RARB: variants seen among roughly 807,000 people sequenced by gnomAD.
RARB encodes HBV-activated protein.
A neutral mutation model predicts 51.9 loss-of-function variants in RARB; 17 were observed. The ratio of observed to expected loss-of-function variants is 0.33; its 90% CI spans 0.22 to 0.49. The LOEUF (loss-of-function observed/expected upper bound fraction) is 0.49, where lower values mean the gene tolerates loss of function less well. RARB is among the 20% of genes least tolerant of loss of function. The probability of loss-of-function intolerance (pLI) is 0.99; values close to 1 mark genes in which losing one functional copy is unlikely to be tolerated. For synonymous variants in RARB, 215 were observed against 195.4 expected (o/e 1.10, Z -0.84); for missense variants, 369 against 550.8 (o/e 0.67, Z 3.30).
chr3:24,971,477 A>T (rs1696396439), intron 2 of RARB, among the ~76,000 whole-genome samples: 1 of 152,106 alleles, frequency 6.6e-6, no homozygotes, highest in South Asian at 2.1e-4. Context: ...CAAGTAGACC[A>T]ATACCAGTAA....
At chr3:25,440,002 G>T (rs562206860) in intron 1 of RARB, among the ~76,000 whole-genome samples, 2 of 152,098 alleles carry the variant, frequency 1.3e-5, no homozygotes, top group African/African-American at 4.8e-5. Context: ...TGAGCTCCAG[G>T]TTTTGTTTTG....
intron 4 of RARB, among the ~76,000 whole-genome samples, chr3:25,167,798 T>C (rs946851241): frequency 6.6e-6 from 1 of 152,172 alleles, no homozygotes; most frequent in Non-Finnish European, 1.5e-5. Context: ...ACATATTTCA[T>C]AGTAAGTCCA....
intron 3 of RARB, among the ~76,000 whole-genome samples, chr3:25,104,549 T>C (rs1354712146): frequency 1.3e-5 from 2 of 151,968 alleles, no homozygotes; most frequent in East Asian, 3.9e-4. Flanking sequence ...GAGGCTATGG[T>C]AGGAGGATTG....
At position 25,309,486 on chromosome 3, in the gene RARB, C is replaced by CTT. The variant is rs149976069; in HGVS notation, c.178+134939_178+134940dup. Among the ~76,000 whole-genome samples the CTT allele has an allele frequency of 1.1e-3, 65 of 58,084 alleles. 15 individuals carry two copies. Among genetic ancestry groups the CTT allele is most frequent in the South Asian group, 2.6e-3 (3 of 1,160 alleles). The allele number at this position is 58,084 out of a possible 152,430, so 38.1% of individuals were successfully genotyped here. A position where few individuals can be genotyped will look rare whatever the true frequency, so the allele number is the denominator to read the frequency against. On this transcript the variant is annotated intron_variant, in intron 5 of 11. Transcript: ENST00000383772. ...CTGATTCCTTAACATCTCATAGTTG[C>CTT]TTTTTTTTTTTTTTTTTTTTTTTTT... is the stretch of plus-strand genomic sequence containing the variant.
At chr3:25,278,659 A>G (rs1412787674) in intron 5 of RARB, among the ~76,000 whole-genome samples, 1 of 152,228 alleles carries the variant, frequency 6.6e-6, no homozygotes, top group Non-Finnish European at 1.5e-5. Context: ...AGAAACCCAG[A>G]TATAGCTTCT....
At chr3:25,242,542 A>C (rs1702458974) in intron 5 of RARB, among the ~76,000 whole-genome samples, 1 of 152,064 alleles carries the variant, frequency 6.6e-6, no homozygotes, top group South Asian at 2.1e-4. Context: ...AGTTTTCCCC[A>C]TACCATTTAT....
intron 3 of RARB, among the ~76,000 whole-genome samples, chr3:25,568,785 C>T (rs1032737956): frequency 1.3e-5 from 2 of 152,240 alleles, no homozygotes; most frequent in South Asian, 4.1e-4. Flanking sequence ...CAGCCTGGCA[C>T]CCGCTGGGCC....
chr3:25,030,975 A>G (rs1697861665), intron 2 of RARB, among the ~76,000 whole-genome samples: 1 of 152,110 alleles, frequency 6.6e-6, no homozygotes, highest in African/African-American at 2.4e-5. Flanking sequence ...CTGCTCCTTC[A>G]CCTTCTACTA....
At chr3:25,322,729 T>G (rs1575311536) in intron 5 of RARB, among the ~76,000 whole-genome samples, 4 of 152,200 alleles carry the variant, frequency 2.6e-5, no homozygotes, top group South Asian at 2.1e-4. Context: ...GTTCTTAGTT[T>G]TTTTAAGATA....
chr3:25,466,980 C>T (rs553621449), intron 2 of RARB, among the ~76,000 whole-genome samples: 8 of 152,324 alleles, frequency 5.3e-5, no homozygotes, highest in African/African-American at 1.9e-4. Context: ...GCTGGTTTTG[C>T]TGGGCTATGG....
chr3:24,845,478 A>AAG (rs1020295679), intron 1 of RARB, among the ~76,000 whole-genome samples: 1 of 151,954 alleles, frequency 6.6e-6, no homozygotes, highest in African/African-American at 2.4e-5. Flanking sequence ...CAGATGGGGC[A>AAG]AGAGAGAGAG....
At chr3:25,330,541 T>C (rs1053853376) in intron 5 of RARB, among the ~76,000 whole-genome samples, 2 of 152,090 alleles carry the variant, frequency 1.3e-5, no homozygotes, top group African/African-American at 4.8e-5. Flanking sequence ...GAACAACCAG[T>C]ACCAGCCACT....
chr3:24,964,481 C>T (rs1383932275), intron 2 of RARB, among the ~76,000 whole-genome samples: 1 of 152,128 alleles, frequency 6.6e-6, no homozygotes, highest in African/African-American at 2.4e-5. Flanking sequence ...TATCAACCCA[C>T]CACTCTCCAT....
At chr3:25,561,545 G>A (rs866260949) in intron 3 of RARB, among the ~76,000 whole-genome samples, 32 of 151,564 alleles carry the variant, frequency 2.1e-4, no homozygotes, top group African/African-American at 7.3e-4. Flanking sequence ...TGCTCTTTCC[G>A]AGGTTCAAGC....
At chr3:24,836,893 T>C (rs1702352153) in intron 1 of RARB, among the ~76,000 whole-genome samples, 1 of 152,234 alleles carries the variant, frequency 6.6e-6, no homozygotes, top group Non-Finnish European at 1.5e-5. Flanking sequence ...TTTTTTATCA[T>C]TTATATATGT....
At chr3:25,082,036 T>A (rs1344430580) in intron 3 of RARB, among the ~76,000 whole-genome samples, 4 of 152,196 alleles carry the variant, frequency 2.6e-5, no homozygotes, top group Non-Finnish European at 5.9e-5. Context: ...CTGCTACTAC[T>A]CTGTCAAAGT....
chr3:25,258,254 T>C (rs1184583711), intron 5 of RARB, among the ~76,000 whole-genome samples: 1 of 152,066 alleles, frequency 6.6e-6, no homozygotes, highest in Non-Finnish European at 1.5e-5. Flanking sequence ...TATGGGGAGC[T>C]CCAAAAACAT....
chr3:25,120,572 T>TA (rs1453435571), intron 3 of RARB, among the ~76,000 whole-genome samples: 1 of 145,132 alleles, frequency 6.9e-6, no homozygotes, highest in Non-Finnish European at 1.5e-5. Context: ...TCGATATGCC[T>TA]ATTAGAGTAT....
In RARB at chr3:24,969,318, G is replaced by A. The variant is rs555187067; in HGVS notation, c.-379-90807G>A. 3.9e-5 allele frequency among the ~76,000 whole-genome samples: 6 copies of A among 152,120 alleles called. No individual in the cohort carries two copies. In the East Asian group the frequency reaches 1.2e-3, roughly 29 times the overall value. On this transcript the variant is annotated intron_variant, in intron 2 of 11. Coordinates refer to the RARB transcript ENST00000383772. ...AAGCCTAGTGCCCAGCATAAAGAAA[G>A]CACCATCTAAATGCTCTGTGAGGGG... is the stretch of plus-strand genomic sequence containing the variant.
Sources: allele counts gnomAD v4.1 joint callset (sites outside exome capture counted in the v4.1 genomes callset), GRCh38; gene constraint gnomAD v4.1.1; transcripts MANE v1.5; gene names NCBI Gene and HGNC (gene_info 2026-07-23, HGNC 2026-07-21).